Variants in PRDM16 observed in about 807,000 individuals in gnomAD.
PRDM16 encodes the protein PR/SET domain 16.
Under a neutral mutation model 110.6 loss-of-function variants are expected in PRDM16, and 23 were observed. The ratio of observed to expected loss-of-function variants is 0.21; its 90% CI spans 0.15 to 0.29. The LOEUF (loss-of-function observed/expected upper bound fraction) is 0.29, where lower values mean the gene tolerates loss of function less well. Ranked by LOEUF, PRDM16 falls within the 10% of genes least tolerant of loss-of-function variation. The pLI is 1.00. For missense variants in PRDM16, 1,615 were observed against 1,794.3 expected (o/e 0.90, Z 1.81); for synonymous variants, 799 against 781.8 (o/e 1.02, Z -0.37).
intron 2 of PRDM16, among the ~76,000 whole-genome samples, chr1:3,200,211 G>C (rs895085412): frequency 7.1e-6 from 1 of 141,100 alleles, no homozygotes; most frequent in African/African-American, 2.7e-5. Flanking sequence ...CCTGGGGAGA[G>C]GGGCCTGGGG....
At position 3,414,587 on chromosome 1, in the gene PRDM16, C is replaced by A. The variant is rs1643748009; in HGVS notation, c.2631C>A (p.Asp877Glu). 4.3e-6 allele frequency: 7 copies of A among 1,613,454 alleles called. No homozygotes were observed. Among genetic ancestry groups the A allele is most frequent in the Non-Finnish European group, 5.9e-6 (7 of 1,179,804 alleles). Residue 877 changes from aspartate to glutamate, a missense_variant, in exon 10 of 17, where the codon GAC becomes GAA. By Grantham distance (45) the Asp-to-Glu change is conservative. Coordinates refer to ENST00000270722, the MANE Select transcript of PRDM16 (RefSeq NM_022114.4). ...GGGTAGAAAAGCGGAAGGTCACAGACCCCGTGGGAGCCCTGAAGGAGAAGT... is the reference window on the plus strand; with the variant it reads ...GGGTAGAAAAGCGGAAGGTCACAGAACCCGTGGGAGCCCTGAAGGAGAAGT... ...YSRVEKRKVT[D>E]PVGALKEKYL...
intron 1 of PRDM16, among the ~76,000 whole-genome samples, chr1:3,144,490 C>T (rs182511341): frequency 2.0e-5 from 3 of 152,214 alleles, no homozygotes; most frequent in East Asian, 3.9e-4. Context: ...CCAGGGCTGA[C>T]CCAGCCTCTG....
chr1:3,236,108 G>A (rs1039253417), intron 2 of PRDM16, among the ~76,000 whole-genome samples: 4 of 152,100 alleles, frequency 2.6e-5, no homozygotes, highest in African/African-American at 7.2e-5. Flanking sequence ...CCAGACAACT[G>A]CAGCCCCAGG....
In PRDM16 at chr1:3,411,195, GCA is replaced by G. The variant is rs544227601; in HGVS notation, c.1187-183_1187-182del. ...CACCTGCCTGTGTATTTGTGTGTAC[GCA>G]CACACGCATGTATGCACAGTACACA... On this transcript the variant is annotated intron_variant, in intron 8 of 16. Coordinates refer to ENST00000270722, the MANE Select transcript of PRDM16 (RefSeq NM_022114.4). Among the ~76,000 whole-genome samples the G allele has an allele frequency of 3.3e-5, 5 of 152,248 alleles. No individual in the cohort carries two copies. In the South Asian group the frequency reaches 1.0e-3, roughly 32 times the overall value.
intron 1 of PRDM16, among the ~76,000 whole-genome samples, chr1:3,071,729 CAG>C: frequency 6.6e-6 from 1 of 152,218 alleles, no homozygotes; most frequent in Middle Eastern, 3.4e-3. Context: ...CTGACCAGGT[CAG>C]GGGACTGTGG....
rs529918054 is a variant in PRDM16, at chr1:3,342,473, G to A, written c.439-42679G>A. Among the ~76,000 whole-genome samples, 4 of 152,336 alleles carry A rather than the reference G, an allele frequency of 2.6e-5. No individual in the cohort carries two copies. The South Asian group carries it at 8.3e-4, about 32-fold the overall frequency. ...GTGGCTAGAATAGGAAGTGACAGAG[G>A]TGAGTCTCAAACCAGGCAGTCTGGC... On this transcript the variant is annotated intron_variant, in intron 3 of 16. Coordinates refer to ENST00000270722, the MANE Select transcript of PRDM16 (RefSeq NM_022114.4).
chr1:3,252,988 A>G (rs1569931210), intron 3 of PRDM16, among the ~76,000 whole-genome samples: 1 of 152,012 alleles, frequency 6.6e-6, no homozygotes, highest in Admixed American at 6.5e-5. Context: ...GCTGTCCTCT[A>G]CCAAACACCA....
chr1:3,386,636 A>G (rs1643204856), intron 4 of PRDM16: 1 of 152,264 alleles, frequency 6.6e-6, no homozygotes, highest in South Asian at 2.1e-4. Flanking sequence ...AATCATAAAC[A>G]TAAGAGCAGA....
chr1:3,194,690 G>GCCATCGTCTCCCCGCCACACA (rs1638416837), intron 2 of PRDM16, among the ~76,000 whole-genome samples: 34 of 146,926 alleles, frequency 2.3e-4, no homozygotes, highest in African/African-American at 8.0e-4. Context: ...ATCGCCACAC[G>GCCATCGTCTCCCCGCCACACA]CCATCGTCTC....
intron 1 of PRDM16, among the ~76,000 whole-genome samples, chr1:3,173,389 G>T (rs1644050152): frequency 6.6e-6 from 1 of 152,224 alleles, no homozygotes; most frequent in African/African-American, 2.4e-5. Context: ...TGCGGGCTCT[G>T]AAATGGGAAC....
At position 3,245,153 on chromosome 1, in the gene PRDM16, T is replaced by G. The variant is rs1481237962; in HGVS notation, c.438+1016T>G. ...TGCCTACCGAGTGCTGTTACAATTC[T>G]GTCAGAATTACAACTGGATTCCGTG... On this transcript the variant is annotated intron_variant, in intron 3 of 16. Coordinates refer to ENST00000270722, the MANE Select transcript of PRDM16 (RefSeq NM_022114.4). The surrounding 1 kb of genome is among the most constrained non-coding windows in gnomAD (Gnocchi z 4.7). Among the ~76,000 whole-genome samples the G allele has an allele frequency of 6.6e-6, 1 of 152,216 alleles. No homozygotes were observed. The highest frequency in any genetic ancestry group is 1.9e-4 in the East Asian group (1 of 5,190).
intron 1 of PRDM16, among the ~76,000 whole-genome samples, chr1:3,074,706 G>A (rs990727755): frequency 1.3e-5 from 2 of 152,152 alleles, no homozygotes. Context: ...GCCTTCATCC[G>A]GAGCAAATGC....
chr1:3,075,780 C>T (rs558671856), intron 1 of PRDM16, among the ~76,000 whole-genome samples: 11 of 152,232 alleles, frequency 7.2e-5, no homozygotes, highest in Non-Finnish European at 1.3e-4. Flanking sequence ...TGTGTTGAAA[C>T]GAACCCGGTG....
chr1:3,200,871 C>G (rs1010027737), intron 2 of PRDM16, among the ~76,000 whole-genome samples: 1 of 151,634 alleles, frequency 6.6e-6, no homozygotes, highest in Non-Finnish European at 1.5e-5. Context: ...GACCTGACCA[C>G]GGGCACAGAA....
rs966203735 is a variant in PRDM16, at chr1:3,437,567, G to A, written c.*3756G>A. The A allele has an allele frequency of 8.7e-6, 2 of 228,712 alleles. No homozygotes were observed. Among genetic ancestry groups the A allele is most frequent in the South Asian group, 3.6e-4 (2 of 5,494 alleles). The allele number at this position is 228,712 out of a possible 1,614,324, so 14.2% of individuals were successfully genotyped here. A position where few individuals can be genotyped will look rare whatever the true frequency, so the allele number is the denominator to read the frequency against. On this transcript the variant is annotated 3_prime_UTR_variant, in exon 17 of 17. Coordinates refer to ENST00000270722, the MANE Select transcript of PRDM16 (RefSeq NM_022114.4). ...CAGCCAGGGACGCCAGGACATAGCT[G>A]CTCCTGGTCAGTGGAGGTCAGCCGG...
intron 3 of PRDM16, among the ~76,000 whole-genome samples, chr1:3,276,078 C>A (rs972824384): frequency 3.9e-5 from 6 of 152,228 alleles, no homozygotes; most frequent in African/African-American, 1.4e-4. Context: ...TGACAATTAC[C>A]CACAGCCAGG....
chr1:3,106,155 C>A (rs1327519492), intron 1 of PRDM16, among the ~76,000 whole-genome samples: 1 of 138,500 alleles, frequency 7.2e-6, no homozygotes, highest in Non-Finnish European at 1.6e-5. Context: ...GCAGGGTGGG[C>A]GGGGTATGGG....
At chr1:3,226,444 C>G (rs527682342) in intron 2 of PRDM16, among the ~76,000 whole-genome samples, 11 of 152,162 alleles carry the variant, frequency 7.2e-5, no homozygotes, top group Non-Finnish European at 1.5e-4. Flanking sequence ...CCATCTTGGC[C>G]GTCTCTGCTC....
Position 3,437,990 on chromosome 1 carries a change from C to T in PRDM16, c.*4179C>T, listed in dbSNP as rs928486448. 4 of 219,154 alleles carry T rather than the reference C, an allele frequency of 1.8e-5. No individual in the cohort carries two copies. The highest frequency in any genetic ancestry group is 9.0e-5 in the African/African-American group (4 of 44,528). The allele number at this position is 219,154 out of a possible 1,614,324, so 13.6% of individuals were successfully genotyped here. A position where few individuals can be genotyped will look rare whatever the true frequency, so the allele number is the denominator to read the frequency against. ...CAGAATCACAGACCTGTGCCGCCCG[C>T]CACCTTCTGCCATTGTTACATTACA... is the stretch of plus-strand genomic sequence containing the variant. On this transcript the variant is annotated 3_prime_UTR_variant, in exon 17 of 17. Coordinates refer to ENST00000270722, the MANE Select transcript of PRDM16 (RefSeq NM_022114.4).
Sources: gnomAD v4.1 joint callset for allele counts (sites outside exome capture counted in the v4.1 genomes callset) on GRCh38, gnomAD v4.1.1 for gene constraint, Gnocchi (gnomAD v3.1) non-coding constraint, MANE v1.5 for transcripts, NCBI Gene and HGNC (gene_info 2026-07-23, HGNC 2026-07-21) for gene names.